Variants in PML observed in about 807,000 individuals in gnomAD.
PML encodes PML nuclear body scaffold.
In PML, 28 loss-of-function variants were observed where a neutral mutation model predicts 65.2. The observed-to-expected ratio is 0.43, with a 90% CI of 0.32 to 0.59. The LOEUF (loss-of-function observed/expected upper bound fraction) is 0.59. Among genes scored for constraint, PML ranks in the 20% least tolerant of loss-of-function variants. PML has a pLI of 0.08. For missense variants in PML, 1,021 were observed against 1,203.4 expected (o/e 0.85, Z 2.24); for synonymous variants, 500 against 508.8 (o/e 0.98, Z 0.23).
In PML at chr15:74,036,023, A is replaced by G. The variant is rs1252409180; in HGVS notation, c.1710+1493A>G. ...GCCCCTGAGCTGCCTCCTCCAGCCCATGCTCTTACAGGCCCTGCACAGAGT... is the reference window on the plus strand; with the variant it reads ...GCCCCTGAGCTGCCTCCTCCAGCCCGTGCTCTTACAGGCCCTGCACAGAGT... On this transcript the variant is annotated intron_variant, in intron 7 of 8. Transcript: ENST00000268058. 4 of 1,613,968 alleles carry G rather than the reference A, an allele frequency of 2.5e-6. No homozygotes were observed. In the Admixed American group the frequency reaches 5.0e-5, roughly 20 times the overall value.
At position 74,047,161 on chromosome 15, in the gene PML, T is replaced by G. The variant is rs1270053586; in HGVS notation, c.*2153T>G. The stretch of plus-strand genomic sequence containing the variant: ...TTCACTGGCTAATCCTGTACTTCTC[T>G]CTGTGTTCCTTGAGTGACAGGTGGT... On this transcript the variant is annotated 3_prime_UTR_variant, in exon 9 of 9. Transcript: ENST00000268058. 30 of 231,152 alleles carry G rather than the reference T, an allele frequency of 1.3e-4. No homozygotes were observed. Among genetic ancestry groups the G allele is most frequent in the East Asian group, 1.2e-3 (20 of 16,356 alleles). The allele number at this position is 231,152 out of a possible 1,614,324, so 14.3% of individuals were successfully genotyped here.
chr15:74,005,981 G>A (rs1308557821), intron 2 of PML, among the ~76,000 whole-genome samples: 1 of 152,182 alleles, frequency 6.6e-6, no homozygotes, highest in Non-Finnish European at 1.5e-5. Flanking sequence ...CACCTCTGCT[G>A]TGGGGGTCAG....
intron 1 of PML, among the ~76,000 whole-genome samples, chr15:73,995,607 T>C (rs2069446717): frequency 6.6e-6 from 1 of 152,262 alleles, no homozygotes; most frequent in Non-Finnish European, 1.5e-5. Flanking sequence ...TACAGTAACT[T>C]TTATAAACAT....
intron 2 of PML, among the ~76,000 whole-genome samples, chr15:73,999,315 C>A (rs912312963): frequency 1.3e-5 from 2 of 152,178 alleles, no homozygotes; most frequent in Non-Finnish European, 2.9e-5. Flanking sequence ...ATAGAAGGCG[C>A]TTCTTGGTTC....
At chr15:74,029,213 A>G (rs937598450) in intron 4 of PML, among the ~76,000 whole-genome samples, 104 of 152,100 alleles carry the variant, frequency 6.8e-4, no homozygotes, top group African/African-American at 2.2e-3. Context: ...AGTCATTCTA[A>G]TGTGTGTGAG....
chr15:74,043,673 T>C lies in PML; in HGVS notation c.1861+534T>C. Reference sequence around the variant, plus strand: ...TGAGCCAGAGCCCCAGGCCCTACCCTGTGGCATGGACTCAACATTGGGGCT... The same window carrying C: ...TGAGCCAGAGCCCCAGGCCCTACCCCGTGGCATGGACTCAACATTGGGGCT... On this transcript the variant is annotated intron_variant, in intron 8 of 8. Coordinates refer to ENST00000268058, the MANE Select transcript of PML (RefSeq NM_033238.3). This position sits in a 1 kb window ranked among gnomAD's most constrained non-coding sequence, Gnocchi z 4.3. The C allele has an allele frequency of 1.9e-6, 1 of 529,120 alleles. No individual in the cohort carries two copies. The highest frequency in any genetic ancestry group is 3.7e-6 in the Non-Finnish European group (1 of 266,746). 32.8% of individuals were successfully genotyped at this position (529,120 alleles called of 1,614,324 possible).
intron 4 of PML, among the ~76,000 whole-genome samples, chr15:74,029,325 A>G (rs76858532): frequency 0.043 from 6,569 of 152,248 alleles, 230 homozygotes; most frequent in East Asian, 0.19. Context: ...CTGTAGCTAA[A>G]GGAGTTTTAT....
chr15:74,034,883 T>C, intron 7 of PML: 1 of 1,438,412 alleles, frequency 7.0e-7, no homozygotes, highest in Non-Finnish European at 9.1e-7. Flanking sequence ...CATTCCTTGG[T>C]TTATTACAGC....
intron 3 of PML, 139 bp downstream of exon 3, chr15:74,023,547 G>C (rs2070940382): frequency 1.4e-6 from 1 of 739,838 alleles, no homozygotes; most frequent in Non-Finnish European, 2.3e-6. Context: ...TAAGGTCTTA[G>C]GTTCCAGGGC....
At chr15:74,016,939 G>A (rs2070616397) in intron 2 of PML, among the ~76,000 whole-genome samples, 1 of 151,758 alleles carries the variant, frequency 6.6e-6, no homozygotes, top group African/African-American at 2.4e-5. Context: ...TGGGACTACA[G>A]GCACATGCCA....
chr15:74,025,676 G>T (rs1308878618), intron 4 of PML: 1 of 152,440 alleles, frequency 6.6e-6, no homozygotes, highest in Non-Finnish European at 1.5e-5. Flanking sequence ...CCCAACTCTG[G>T]ACTGCTCTGA....
In PML at chr15:74,047,565, CA is replaced by C. The variant is rs756830900; in HGVS notation, c.*2559del. The C allele has an allele frequency of 2.3e-5, 5 of 216,654 alleles. No homozygotes were observed. Among genetic ancestry groups the C allele is most frequent in the Non-Finnish European group, 4.6e-5 (5 of 107,710 alleles). The allele number at this position is 216,654 out of a possible 1,614,324, so 13.4% of individuals were successfully genotyped here. The stretch of plus-strand genomic sequence containing the variant: ...GGTTAGAAGTCAGGACACTGAGTTT[CA>C]ATCCTCACTTAGTAGTCTGTGGCCC... On this transcript the variant is annotated 3_prime_UTR_variant, in exon 9 of 9. Transcript: ENST00000268058.
rs905755957 is a variant in PML at position 74,042,229 on chromosome 15, A to G, written c.1711-760A>G. 1.1e-5 allele frequency: 3 copies of G among 281,746 alleles called. No homozygotes were observed. Among genetic ancestry groups the G allele is most frequent in the African/African-American group, 2.3e-5 (1 of 43,798 alleles). 17.5% of individuals were successfully genotyped at this position (281,746 alleles called of 1,614,324 possible). On this transcript the variant is annotated intron_variant, in intron 7 of 8. Coordinates refer to ENST00000268058, the MANE Select transcript of PML (RefSeq NM_033238.3). This position sits in a 1 kb window ranked among gnomAD's most constrained non-coding sequence, Gnocchi z 5.3. ...GGGACAGGAGAGAACGCCTCACCTG[A>G]AGGACTCCCAAAACTCAGGTTTCTC...
chr15:74,037,428 T>C lies in PML; in HGVS notation c.1710+2898T>C, dbSNP rs1460312451. 1 of 985,190 alleles carries C rather than the reference T, an allele frequency of 1.0e-6. No homozygotes were observed. The highest frequency in any genetic ancestry group is 1.1e-4 in the East Asian group (1 of 8,804). 61.0% of individuals were successfully genotyped at this position (985,190 alleles called of 1,614,324 possible). A position where few individuals can be genotyped will look rare whatever the true frequency, so the allele number is the denominator to read the frequency against. The stretch of plus-strand genomic sequence containing the variant: ...GAGCCTCACTCCTCCTCCTCATCTC[T>C]CTTGCATCTTCTAATGTATCCACTG... On this transcript the variant is annotated intron_variant, in intron 7 of 8. Coordinates refer to ENST00000268058, the MANE Select transcript of PML (RefSeq NM_033238.3). This position sits in a 1 kb window ranked among gnomAD's most constrained non-coding sequence, Gnocchi z 4.2.
chr15:74,032,537 T>C (rs2071368887), intron 4 of PML, 35 bp from the exon 5 acceptor site: 1 of 1,612,958 alleles, frequency 6.2e-7, no homozygotes, highest in Non-Finnish European at 8.5e-7. Context: ...GGCTGCTGCC[T>C]AGTCATTTCT....
At chr15:74,015,347 T>C (rs904661234) in intron 2 of PML, among the ~76,000 whole-genome samples, 1 of 152,242 alleles carries the variant, frequency 6.6e-6, no homozygotes, top group Non-Finnish European at 1.5e-5. Context: ...ATGGATCCTT[T>C]TAACTGTAGT....
chr15:74,013,693 T>TTATAATTTGATGATAA (rs1306033105), intron 2 of PML, among the ~76,000 whole-genome samples: 5 of 152,248 alleles, frequency 3.3e-5, no homozygotes, highest in Admixed American at 6.5e-5. Flanking sequence ...TATTTTTACC[T>TTATAATTTGATGATAA]TACTCATCAA....
At position 74,035,711 on chromosome 15, in the gene PML, T is replaced by G; in HGVS notation, c.1710+1181T>G. 6.2e-7 allele frequency: 1 copy of G among 1,614,160 alleles called. No individual in the cohort carries two copies. Among genetic ancestry groups the G allele is most frequent in the Non-Finnish European group, 8.5e-7 (1 of 1,180,018 alleles). ...TATCCCAGTGGCTCAACAACTTTTT[T>G]GCCCTCCCCTTCTCCTCCATGGCTT... On this transcript the variant is annotated intron_variant, in intron 7 of 8. Transcript: ENST00000268058. This position sits in a 1 kb window ranked among gnomAD's most constrained non-coding sequence, Gnocchi z 4.1.
chr15:74,000,465 T>G (rs968186565), intron 2 of PML, among the ~76,000 whole-genome samples: 3 of 152,048 alleles, frequency 2.0e-5, no homozygotes, highest in South Asian at 4.2e-4. Context: ...ACCACCACAC[T>G]CAGCTAATTT....
Sources: gnomAD v4.1 joint callset for allele counts (sites outside exome capture counted in the v4.1 genomes callset) on GRCh38, gnomAD v4.1.1 for gene constraint, Gnocchi (gnomAD v3.1) non-coding constraint, MANE v1.5 for transcripts, NCBI Gene and HGNC (gene_info 2026-07-23, HGNC 2026-07-21) for gene names.